Variants in SLA observed in about 807,000 individuals in gnomAD.
SLA encodes src-like-adapter.
In SLA, 16 loss-of-function variants were observed where a neutral mutation model predicts 30.3. The ratio of observed to expected loss-of-function variants is 0.53; its 90% CI spans 0.36 to 0.80. The LOEUF (loss-of-function observed/expected upper bound fraction) is 0.80. Among genes scored for constraint, SLA ranks in the 30% least tolerant of loss-of-function variants. The pLI, the probability that SLA is intolerant of heterozygous loss-of-function variation, is 0.01. For missense variants in SLA, 310 were observed against 345.2 expected (o/e 0.90, Z 0.81); for synonymous variants, 143 against 137.8 (o/e 1.04, Z -0.26).
At chr8:133,049,084 T>C in intron 5 of SLA, 1 of 448,644 alleles carries the variant, frequency 2.2e-6, no homozygotes, top group Non-Finnish European at 4.5e-6. Context: ...GAAGCGACTT[T>C]TACAGGACCC....
chr8:133,078,693 A>G (rs1285275527), intron 1 of SLA, among the ~76,000 whole-genome samples: 3 of 152,198 alleles, frequency 2.0e-5, no homozygotes, highest in African/African-American at 4.8e-5. Context: ...TCAAAGCTAA[A>G]CACTCTTTTT....
intron 1 of SLA, among the ~76,000 whole-genome samples, chr8:133,100,093 C>G (rs1037098540): frequency 5.9e-5 from 9 of 152,226 alleles, no homozygotes; most frequent in African/African-American, 2.2e-4. Context: ...CTGACCTTAA[C>G]TCCTGCTGTT....
chr8:133,051,281 A>C (rs1195139134), intron 3 of SLA, among the ~76,000 whole-genome samples: 2 of 152,158 alleles, frequency 1.3e-5, no homozygotes, highest in Non-Finnish European at 2.9e-5. Context: ...ACCTCATTCC[A>C]GGGTCCTTAG....
At chr8:133,083,188 C>T (rs1469755348) in intron 1 of SLA, among the ~76,000 whole-genome samples, 1 of 152,116 alleles carries the variant, frequency 6.6e-6, no homozygotes, top group Non-Finnish European at 1.5e-5. Flanking sequence ...GTACAGATGT[C>T]AGTTATCATT....
intron 6 of SLA, 146 bp from the exon 7 acceptor site, chr8:133,045,261 T>C: frequency 6.8e-6 from 5 of 732,518 alleles, no homozygotes; most frequent in Non-Finnish European, 9.3e-6. Flanking sequence ...CTCCCTCCAC[T>C]AGACCCTTCT....
chr8:133,066,325 C>CAAAAA (rs11395047), intron 2 of SLA, among the ~76,000 whole-genome samples: 5 of 87,086 alleles, frequency 5.7e-5, no homozygotes, highest in African/African-American at 8.6e-5. Context: ...GACTCTGTCT[C>CAAAAA]AAAAAAAAAA....
chr8:133,053,140 T>C (rs1197045169), intron 3 of SLA, among the ~76,000 whole-genome samples: 1 of 152,154 alleles, frequency 6.6e-6, no homozygotes, highest in Non-Finnish European at 1.5e-5. Flanking sequence ...TTCCCACCTT[T>C]GTCAACTCTA....
intron 1 of SLA, among the ~76,000 whole-genome samples, chr8:133,097,819 G>A (rs1202059843): frequency 2.0e-5 from 3 of 152,176 alleles, no homozygotes; most frequent in Admixed American, 6.5e-5. Flanking sequence ...TTATGTGTGC[G>A]TGTGTATGTA....
chr8:133,092,673 C>T (rs1466271074), intron 1 of SLA, among the ~76,000 whole-genome samples: 1 of 152,182 alleles, frequency 6.6e-6, no homozygotes, highest in African/African-American at 2.4e-5. Context: ...CAGGGAGTGA[C>T]ACAGCTGGGG....
At chr8:133,076,311 A>G (rs1844853972) in intron 1 of SLA, among the ~76,000 whole-genome samples, 3 of 152,222 alleles carry the variant, frequency 2.0e-5, no homozygotes, top group Admixed American at 2.0e-4. Flanking sequence ...TGAGGCTGAC[A>G]CAGCCACCCT....
At chr8:133,049,730 A>G (rs772574304) in intron 5 of SLA, 172 bp downstream of exon 5, 3 of 612,436 alleles carry the variant, frequency 4.9e-6, no homozygotes, top group South Asian at 1.9e-5. Context: ...AGCAGAAGAG[A>G]TAAGTTAGCC....
At chr8:133,099,631 A>T (rs1055470468) in intron 1 of SLA, among the ~76,000 whole-genome samples, 5 of 152,094 alleles carry the variant, frequency 3.3e-5, no homozygotes, top group Admixed American at 2.0e-4. Context: ...CTCTGCTCCC[A>T]TCCCCAACCA....
At chr8:133,048,922 G>A (rs1200450754) in intron 5 of SLA, 1 of 269,940 alleles carries the variant, frequency 3.7e-6, no homozygotes, top group Non-Finnish European at 7.6e-6. Flanking sequence ...TGAGCATGTG[G>A]CATGTAGAGT....
intron 7 of SLA, 54 bp downstream of exon 7, chr8:133,044,930 A>G (rs1268431395): frequency 1.9e-6 from 3 of 1,584,106 alleles, no homozygotes; most frequent in African/African-American, 1.3e-5. Context: ...CCACAGAGCA[A>G]TTAGCTAAGA....
At chr8:133,071,659 G>A (rs538215544) in intron 2 of SLA, among the ~76,000 whole-genome samples, 2 of 152,116 alleles carry the variant, frequency 1.3e-5, no homozygotes, top group Admixed American at 6.5e-5. Context: ...GGAGTGGGGG[G>A]AGGAGGCGCA....
At chr8:133,088,823 G>GT in intron 1 of SLA, among the ~76,000 whole-genome samples, 1 of 152,200 alleles carries the variant, frequency 6.6e-6, no homozygotes, top group East Asian at 1.9e-4. Context: ...TGTGATGGAA[G>GT]TTTTGCCAAA....
intron 1 of SLA, among the ~76,000 whole-genome samples, chr8:133,098,045 T>C (rs1848695573): frequency 6.6e-6 from 1 of 152,214 alleles, no homozygotes; most frequent in Non-Finnish European, 1.5e-5. Flanking sequence ...AAATACCTTT[T>C]GTACCTGATC....
chr8:133,053,211 C>T (rs1183358701), intron 3 of SLA, among the ~76,000 whole-genome samples: 1 of 152,194 alleles, frequency 6.6e-6, no homozygotes, highest in East Asian at 1.9e-4. Context: ...AATTCTTCCT[C>T]TTGGCCCCTA....
chr8:133,061,040 C>G (rs1327766408), intron 2 of SLA, among the ~76,000 whole-genome samples: 1 of 152,222 alleles, frequency 6.6e-6, no homozygotes, highest in Non-Finnish European at 1.5e-5. Context: ...GAGACGCAGT[C>G]TCACTCTGTC....
Sources: gnomAD v4.1 joint callset for allele counts (sites outside exome capture counted in the v4.1 genomes callset) on GRCh38, gnomAD v4.1.1 for gene constraint, MANE v1.5 for transcripts, NCBI Gene and HGNC (gene_info 2026-07-23, HGNC 2026-07-21) for gene names.